SLC25A45: variants seen among roughly 807,000 people sequenced by gnomAD.
SLC25A45 encodes methylated amino-acid transporter SLC25A45.
A neutral mutation model predicts 23.0 loss-of-function variants in SLC25A45; 22 were observed. That is an observed-to-expected ratio of 0.95 (90% CI 0.68 to 1.36). The LOEUF (loss-of-function observed/expected upper bound fraction) is 1.36. Among genes scored for constraint, SLC25A45 ranks in the 40% most tolerant of loss-of-function variants. The pLI, the probability that SLC25A45 is intolerant of heterozygous loss-of-function variation, is 0.00. For synonymous variants in SLC25A45, 136 were observed against 155.0 expected (o/e 0.88, Z 0.91); for missense variants, 355 against 383.5 (o/e 0.93, Z 0.62).
At chr11:65,377,973 G>C (rs146146322) in intron 5 of SLC25A45, 1 of 152,352 alleles carries the variant, frequency 6.6e-6, no homozygotes, top group African/African-American at 2.4e-5. Flanking sequence ...GCTGGCGGTC[G>C]CCTCTGGTGG....
chr11:65,378,634 G>T (rs1000078572), intron 5 of SLC25A45: 1 of 152,256 alleles, frequency 6.6e-6, no homozygotes, highest in African/African-American at 2.4e-5. Context: ...GCCTGACTTT[G>T]TCCTTTGTCC....
rs1230412807 is a variant in SLC25A45 at position 65,381,966 on chromosome 11, G to C, written c.-15C>G. 5.0e-6 allele frequency: 8 copies of C among 1,613,216 alleles called. No individual in the cohort carries two copies. The highest frequency in any genetic ancestry group is 6.8e-6 in the Non-Finnish European group (8 of 1,179,166). On this transcript the variant is annotated 5_prime_UTR_variant, in exon 2 of 7. Transcript: ENST00000398802. The stretch of plus-strand genomic sequence containing the variant: ...TCCACCGGCATTGTCTGGGCTTGCG[G>C]GAACTGGTGGCTCCAGCAGAGGAGA...
At chr11:65,381,630 C>T (rs915711893) in intron 2 of SLC25A45, 2 of 298,818 alleles carry the variant, frequency 6.7e-6, no homozygotes, top group Non-Finnish European at 6.3e-6. Flanking sequence ...TGCAGTGGTG[C>T]AGTCATAGCT....
chr11:65,379,219 G>C, intron 5 of SLC25A45, 157 bp downstream of exon 5: 1 of 793,850 alleles, frequency 1.3e-6, no homozygotes, highest in Non-Finnish European at 2.0e-6. Context: ...CCCTCCCCCA[G>C]AGGCCTGCAG....
In SLC25A45 at chr11:65,382,120, C is replaced by A; in HGVS notation, c.-18-151G>T. 1 of 660,128 alleles carries A rather than the reference C, an allele frequency of 1.5e-6. No homozygotes were observed. The highest frequency in any genetic ancestry group is 2.7e-6 in the Non-Finnish European group (1 of 364,322). 40.9% of individuals were successfully genotyped at this position (660,128 alleles called of 1,614,324 possible). A position where few individuals can be genotyped will look rare whatever the true frequency, so the allele number is the denominator to read the frequency against. On this transcript the variant is annotated intron_variant, in intron 1 of 6. Coordinates refer to ENST00000398802, the MANE Select transcript of SLC25A45 (RefSeq NM_182556.4). The surrounding 1 kb of genome is among the most constrained non-coding windows in gnomAD (Gnocchi z 4.4). ...CCGGCAACTGGCAGAGGAGAGCGAG[C>A]CAGTTCCGGTGACCCTGGCCACCTG...
At chr11:65,379,100 G>C in intron 5 of SLC25A45, 3 of 455,552 alleles carry the variant, frequency 6.6e-6, no homozygotes, top group Non-Finnish European at 1.2e-5. Context: ...CCCTCTGGAG[G>C]GGGGCAAGCC....
intron 2 of SLC25A45, chr11:65,380,880 G>C: frequency 3.4e-6 from 1 of 290,516 alleles, no homozygotes; most frequent in Non-Finnish European, 6.9e-6. Flanking sequence ...GTGGGGCAGA[G>C]GCCCAGAGGG....
chr11:65,377,320 G>A (rs901678746), intron 5 of SLC25A45: 8 of 1,370,994 alleles, frequency 5.8e-6, no homozygotes, highest in Non-Finnish European at 7.5e-6. Flanking sequence ...TCATGCAACA[G>A]TGACCAACTT....
chr11:65,377,098 G>A (rs545962704), intron 5 of SLC25A45, 22 bp from the exon 6 acceptor site: 4 of 1,604,556 alleles, frequency 2.5e-6, no homozygotes, highest in Admixed American at 1.7e-5. Flanking sequence ...GAAACATGAG[G>A]GCCCCGGGTG....
rs1855119682 is a variant in SLC25A45, at chr11:65,375,693, T to TG, written c.*713dup. 2 of 152,018 alleles carry TG rather than the reference T, an allele frequency of 1.3e-5. No individual in the cohort carries two copies. The highest frequency in any genetic ancestry group is 1.3e-4 in the Admixed American group (2 of 15,244). The allele number at this position is 152,018 out of a possible 1,614,324, so 9.4% of individuals were successfully genotyped here. ...GGAGACATAGGGTTATCCTGGGTCA[T>TG]GGGGGAGAGAGCTTTGAAAGGCAGG... On this transcript the variant is annotated 3_prime_UTR_variant, in exon 7 of 7. Coordinates refer to ENST00000398802, the MANE Select transcript of SLC25A45 (RefSeq NM_182556.4).
Position 65,382,516 on chromosome 11 carries a change from A to ACGACTCCCC in SLC25A45, c.-58_-50dup, listed in dbSNP as rs535783911. ...CTGGCTGTTCTCTTCAGGGTTGTTT[A>ACGACTCCCC]CGACTCCCCCGACTCCCCCGTGTGA... On this transcript the variant is annotated 5_prime_UTR_variant, in exon 1 of 7. Transcript: ENST00000398802. This position sits in a 1 kb window ranked among gnomAD's most constrained non-coding sequence, Gnocchi z 4.4. The ACGACTCCCC allele has an allele frequency of 4.9e-4, 77 of 156,508 alleles. 2 individuals are homozygous for ACGACTCCCC. The South Asian group carries it at 0.01, about 21-fold the overall frequency. 9.7% of individuals were successfully genotyped at this position (156,508 alleles called of 1,614,324 possible).
rs35193480 is a variant in SLC25A45 at position 65,376,069 on chromosome 11, C to CAAAA, written c.*334_*337dup. The CAAAA allele has an allele frequency of 1.8e-4, 20 of 108,674 alleles. No individual in the cohort carries two copies. The highest frequency in any genetic ancestry group is 8.8e-4 in the East Asian group (4 of 4,520). The allele number at this position is 108,674 out of a possible 1,614,324, so 6.7% of individuals were successfully genotyped here. A position where few individuals can be genotyped will look rare whatever the true frequency, so the allele number is the denominator to read the frequency against. The stretch of plus-strand genomic sequence containing the variant: ...TGGGTGACAGAGAAAGACTCCATCT[C>CAAAA]AAAAAAAAAAAAAAAAAAAAAAAGA... On this transcript the variant is annotated 3_prime_UTR_variant, in exon 7 of 7. Transcript: ENST00000398802.
chr11:65,375,445 C>G lies in SLC25A45; in HGVS notation c.*962G>C, dbSNP rs1016762356. 4 of 152,476 alleles carry G rather than the reference C, an allele frequency of 2.6e-5. No individual in the cohort carries two copies. Among genetic ancestry groups the G allele is most frequent in the African/African-American group, 9.7e-5 (4 of 41,448 alleles). 9.4% of individuals were successfully genotyped at this position (152,476 alleles called of 1,614,324 possible). On this transcript the variant is annotated 3_prime_UTR_variant, in exon 7 of 7. Coordinates refer to ENST00000398802, the MANE Select transcript of SLC25A45 (RefSeq NM_182556.4). ...GAAGGGTGAGGGGACTGGGCTCAGC[C>G]TGGGTCTCGGAGGAGAGCGGGGCCA...
Position 65,376,640 on chromosome 11 carries a change from C to T in SLC25A45, c.634G>A (p.Gly212Ser), listed in dbSNP as rs1855202209. The change falls in exon 7 of 7, where the codon GGC (glycine) becomes AGC (serine). Residue 212 changes from glycine (G) to serine (S), a missense_variant. Physicochemically the swap from Gly to Ser is moderately conservative, Grantham distance 56. Coordinates refer to ENST00000398802, the MANE Select transcript of SLC25A45 (RefSeq NM_182556.4). Reference protein sequence around the residue: ...ATVLVAGGFAGIASWVAATPL... With the variant: ...ATVLVAGGFASIASWVAATPL... ...GTGGCTGCCACCCAGGAAGCAATGCCTGCAAAGCCCCCTGCCACCAGCACC... is the reference window on the plus strand; with the variant it reads ...GTGGCTGCCACCCAGGAAGCAATGCTTGCAAAGCCCCCTGCCACCAGCACC... 6.2e-7 allele frequency: 1 copy of T among 1,614,030 alleles called. No homozygotes were observed.
intron 5 of SLC25A45, 50 bp from the exon 6 acceptor site, chr11:65,377,126 C>T: frequency 6.3e-7 from 1 of 1,576,776 alleles, no homozygotes; most frequent in Non-Finnish European, 8.6e-7. Flanking sequence ...GGGCTGGGAA[C>T]TGGCCCCTTA....
Position 65,376,529 on chromosome 11 carries a change from T to C in SLC25A45, c.745A>G (p.Ser249Gly). The C allele has an allele frequency of 6.2e-7, 1 of 1,614,202 alleles. No individual in the cohort carries two copies. Among genetic ancestry groups the C allele is most frequent in the African/African-American group, 1.3e-5 (1 of 75,046 alleles). ...ACTCCCAGTCCTTCCTGCCGGATGC[T>C]GCTCACCATGCAGTCCAGCATCCCC... ...YQGMLDCMVS[S>G]IRQEGLGVFF... The change falls in exon 7 of 7, where the codon AGC becomes GGC. Residue 249 changes from serine to glycine, a missense_variant. Ser to Gly is a moderately conservative substitution (Grantham distance 56). Transcript: ENST00000398802.
chr11:65,375,213 T>C lies in SLC25A45; in HGVS notation c.*1194A>G, dbSNP rs1046016031. On this transcript the variant is annotated 3_prime_UTR_variant, in exon 7 of 7. Transcript: ENST00000398802. ...GTCGCATCATTTAACGAGCATTTATTGCACACGTCTGTTCAAGCACCAGGC... is the reference window on the plus strand; with the variant it reads ...GTCGCATCATTTAACGAGCATTTATCGCACACGTCTGTTCAAGCACCAGGC... The C allele has an allele frequency of 6.6e-6, 1 of 152,250 alleles. No homozygotes were observed. The highest frequency in any genetic ancestry group is 2.4e-5 in the African/African-American group (1 of 41,442). The allele number at this position is 152,250 out of a possible 1,614,324, so 9.4% of individuals were successfully genotyped here. A position where few individuals can be genotyped will look rare whatever the true frequency, so the allele number is the denominator to read the frequency against.
upstream of SLC25A45, chr11:65,383,447 C>T (rs1855665518): frequency 6.6e-6 from 1 of 152,358 alleles, no homozygotes; most frequent in Non-Finnish European, 1.5e-5. Flanking sequence ...ATTCCTGAAA[C>T]TGCCTTTGCA....
At chr11:65,383,659 G>A (rs1855673033), upstream of SLC25A45, 1 of 150,622 alleles carries the variant, frequency 6.6e-6, no homozygotes, top group African/African-American at 2.5e-5. Context: ...TTGGGATGCT[G>A]AGGCAGGAGA....
Sources: gnomAD v4.1 joint callset for allele counts on GRCh38, gnomAD v4.1.1 for gene constraint, Gnocchi (gnomAD v3.1) non-coding constraint, MANE v1.5 for transcripts, NCBI Gene and HGNC (gene_info 2026-07-23, HGNC 2026-07-21) for gene names.